PTPRN2: variants seen among roughly 807,000 people sequenced by gnomAD.
The protein encoded by PTPRN2 is protein tyrosine phosphatase receptor type N2.
PTPRN2 carries 74 observed loss-of-function variants against 118.8 expected under a neutral mutation model. The observed-to-expected ratio is 0.62, with a 90% CI of 0.52 to 0.76. PTPRN2 has a LOEUF of 0.76. PTPRN2 is among the 30% of genes least tolerant of loss of function. The pLI, the probability that PTPRN2 is intolerant of heterozygous loss-of-function variation, is 0.00. For synonymous variants in PTPRN2, 641 were observed against 608.0 expected, an observed-to-expected ratio of 1.05 and a Z score of -0.80; for missense variants, 1,481 against 1,394.4, an observed-to-expected ratio of 1.06 and a Z score of -0.99.
intron 6 of PTPRN2, among the ~76,000 whole-genome samples, chr7:158,144,777 G>A (rs1035735758): frequency 2.0e-5 from 3 of 152,346 alleles, no homozygotes; most frequent in South Asian, 2.1e-4. Flanking sequence ...AGCAAACACC[G>A]TCACTGTCAA....
At position 157,881,638 on chromosome 7, in the gene PTPRN2, C is replaced by A. The variant is rs762170696; in HGVS notation, c.1788+17035G>T. ...GACTGCAGGGATGCGTCTCTGCCTA[C>A]GAGAAAGGAGAGGATTTCCTGTTTT... is the stretch of plus-strand genomic sequence containing the variant. On this transcript the variant is annotated intron_variant, in intron 12 of 22. Coordinates refer to ENST00000389418, the MANE Select transcript of PTPRN2 (RefSeq NM_002847.5). This position sits in a 1 kb window ranked among gnomAD's most constrained non-coding sequence, Gnocchi z 4.7. 6.6e-6 allele frequency among the ~76,000 whole-genome samples: 1 copy of A among 151,978 alleles called. No homozygotes were observed. Among genetic ancestry groups the A allele is most frequent in the East Asian group, 1.9e-4 (1 of 5,198 alleles).
intron 2 of PTPRN2, among the ~76,000 whole-genome samples, chr7:158,386,549 A>G (rs1475987457): frequency 6.6e-6 from 1 of 152,162 alleles, no homozygotes; most frequent in Non-Finnish European, 1.5e-5. Context: ...GGGAGCTTAT[A>G]GCTATGGATG....
intron 2 of PTPRN2, among the ~76,000 whole-genome samples, chr7:158,411,366 C>A (rs562884058): frequency 1.3e-5 from 2 of 152,050 alleles, no homozygotes; most frequent in African/African-American, 2.4e-5. Flanking sequence ...CCTGGCACTG[C>A]GCACTGCTGC....
intron 3 of PTPRN2, among the ~76,000 whole-genome samples, chr7:158,207,750 A>G (rs146080118): frequency 2.0e-5 from 3 of 152,206 alleles, no homozygotes; most frequent in African/African-American, 7.2e-5. Flanking sequence ...AAGAGCATCA[A>G]GACTATCCAG....
intron 1 of PTPRN2, among the ~76,000 whole-genome samples, chr7:158,571,631 G>A (rs1344925000): frequency 6.7e-6 from 1 of 150,010 alleles, no homozygotes; most frequent in Non-Finnish European, 1.5e-5. Flanking sequence ...GTCAAGCAGG[G>A]GACTTGAGGG....
chr7:158,159,772 T>C (rs773591380), intron 6 of PTPRN2, among the ~76,000 whole-genome samples: 2 of 152,084 alleles, frequency 1.3e-5, no homozygotes, highest in African/African-American at 2.4e-5. Context: ...ATTACACAAG[T>C]ACCGTATCTA....
chr7:157,753,964 G>T (rs1055929530), intron 12 of PTPRN2, among the ~76,000 whole-genome samples: 3 of 152,230 alleles, frequency 2.0e-5, no homozygotes, highest in Non-Finnish European at 4.4e-5. Context: ...CCTCATCCTG[G>T]CACCAGCTGA....
intron 4 of PTPRN2, among the ~76,000 whole-genome samples, chr7:158,195,477 G>A (rs922707141): frequency 1.3e-5 from 2 of 152,008 alleles, no homozygotes; most frequent in Admixed American, 1.3e-4. Context: ...CTGGCTCTGT[G>A]AGTTTATCAT....
At chr7:158,270,718 C>T (rs1268861797) in intron 3 of PTPRN2, among the ~76,000 whole-genome samples, 1 of 151,690 alleles carries the variant, frequency 6.6e-6, no homozygotes. Context: ...GGCTGCCCCT[C>T]TCCCTGGGGT....
chr7:157,800,385 G>A (rs1026448221), intron 12 of PTPRN2, among the ~76,000 whole-genome samples: 8 of 152,064 alleles, frequency 5.3e-5, no homozygotes, highest in East Asian at 1.9e-4. Flanking sequence ...CCTTCTCCGC[G>A]ACAAGGGGAC....
chr7:157,757,923 C>A (rs998387502), intron 12 of PTPRN2, among the ~76,000 whole-genome samples: 7 of 152,210 alleles, frequency 4.6e-5, no homozygotes, highest in African/African-American at 1.7e-4. Context: ...GCTGGATCTC[C>A]CGCAGGGCCC....
At chr7:157,581,022 C>G (rs539108610) in intron 17 of PTPRN2, among the ~76,000 whole-genome samples, 68 of 141,106 alleles carry the variant, frequency 4.8e-4, no homozygotes, top group African/African-American at 1.7e-3. Flanking sequence ...CTGCACACCC[C>G]AGCACCTGCA....
rs546082819 is a variant in PTPRN2 at position 158,374,505 on chromosome 7, G to C, written c.164-57573C>G. On this transcript the variant is annotated intron_variant, in intron 2 of 22. Coordinates refer to ENST00000389418, the MANE Select transcript of PTPRN2 (RefSeq NM_002847.5). ...AGAAACAAAACACGATCTGTAAAAAGGATTGTACAAGAATGTTTAGAGAGA... is the reference window on the plus strand; with the variant it reads ...AGAAACAAAACACGATCTGTAAAAACGATTGTACAAGAATGTTTAGAGAGA... Among the ~76,000 whole-genome samples, 4 of 152,180 alleles carry C rather than the reference G, an allele frequency of 2.6e-5. No individual in the cohort carries two copies. The East Asian group carries it at 7.7e-4, about 29-fold the overall frequency.
At chr7:157,917,956 AT>A in intron 11 of PTPRN2, among the ~76,000 whole-genome samples, 1 of 152,172 alleles carries the variant, frequency 6.6e-6, no homozygotes, top group Non-Finnish European at 1.5e-5. Context: ...TTTGACTAAG[AT>A]TTTTTTGTAT....
intron 13 of PTPRN2, among the ~76,000 whole-genome samples, chr7:157,678,281 G>A (rs150611738): frequency 6.6e-6 from 1 of 152,178 alleles, no homozygotes; most frequent in African/African-American, 2.4e-5. Flanking sequence ...ATACAGAGCT[G>A]ATTGAAAAGG....
At chr7:158,381,562 A>G (rs1810967328) in intron 2 of PTPRN2, among the ~76,000 whole-genome samples, 1 of 152,214 alleles carries the variant, frequency 6.6e-6, no homozygotes. Context: ...AGGAAGTGCC[A>G]AACTTTCCCA....
At chr7:157,932,198 C>A (rs1248481680) in intron 11 of PTPRN2, among the ~76,000 whole-genome samples, 1 of 152,232 alleles carries the variant, frequency 6.6e-6, no homozygotes, top group Non-Finnish European at 1.5e-5. Flanking sequence ...CAAAGGCATT[C>A]TCCTACATAA....
intron 11 of PTPRN2, among the ~76,000 whole-genome samples, chr7:157,995,997 TA>T (rs958496494): frequency 3.3e-5 from 5 of 152,102 alleles, no homozygotes; most frequent in African/African-American, 9.7e-5. Flanking sequence ...TATTCAGCCA[TA>T]AAAAAGGATG....
intron 2 of PTPRN2, among the ~76,000 whole-genome samples, chr7:158,403,076 C>G (rs1051318885): frequency 6.6e-6 from 1 of 152,226 alleles, no homozygotes; most frequent in African/African-American, 2.4e-5. Context: ...CATTCTCGCT[C>G]TGTTTGGAGA....
Sources: allele counts gnomAD v4.1 joint callset (sites outside exome capture counted in the v4.1 genomes callset), GRCh38; gene constraint gnomAD v4.1.1; non-coding constraint Gnocchi (gnomAD v3.1); transcripts MANE v1.5; gene names NCBI Gene and HGNC (gene_info 2026-07-23, HGNC 2026-07-21).